The following PTPRR variants were observed in gnomAD, a reference collection of about 807,000 sequenced individuals.
PTPRR encodes protein tyrosine phosphatase receptor type R, also known as receptor-type tyrosine-protein phosphatase R.
Under a neutral mutation model 77.2 loss-of-function variants are expected in PTPRR, and 38 were observed. The observed-to-expected ratio is 0.49, with a 90% confidence interval of 0.38 to 0.65. The LOEUF is 0.65. PTPRR is among the 30% of genes least tolerant of loss of function. PTPRR has a pLI of 0.00. For missense variants in PTPRR, 744 were observed against 799.2 expected (o/e 0.93, Z 0.83); for synonymous variants, 299 against 283.1 (o/e 1.06, Z -0.57).
At chr12:70,885,810 G>A (rs976778093) in intron 2 of PTPRR, among the ~76,000 whole-genome samples, 3 of 152,262 alleles carry the variant, frequency 2.0e-5, no homozygotes, top group African/African-American at 7.2e-5. Flanking sequence ...GGAATTACAC[G>A]CTGAGCCACC....
At position 70,638,228 on chromosome 12, in the gene PTPRR, G is replaced by C. The variant is rs1438829182; in HGVS notation, c.*956C>G. ...AGATTGAAAGCTTTCAGAAATGTAA[G>C]GACATACATGGAAATGTCCTTATAA... On this transcript the variant is annotated 3_prime_UTR_variant, in exon 14 of 14. Transcript: ENST00000283228. 1 of 152,392 alleles carries C rather than the reference G, an allele frequency of 6.6e-6. No individual in the cohort carries two copies. The highest frequency in any genetic ancestry group is 6.6e-5 in the Admixed American group (1 of 15,248). 9.4% of individuals were successfully genotyped at this position (152,392 alleles called of 1,614,324 possible).
intron 2 of PTPRR, among the ~76,000 whole-genome samples, chr12:70,843,430 T>G (rs1592788572): frequency 6.6e-6 from 1 of 152,212 alleles, no homozygotes. Context: ...GACCTGAACA[T>G]AAACATCTTA....
At chr12:70,722,452 G>C (rs1178561962) in intron 6 of PTPRR, among the ~76,000 whole-genome samples, 1 of 152,122 alleles carries the variant, frequency 6.6e-6, no homozygotes, top group Non-Finnish European at 1.5e-5. Flanking sequence ...TCTGAAAAGA[G>C]TTCGCAAGGC....
intron 2 of PTPRR, among the ~76,000 whole-genome samples, chr12:70,791,816 A>T (rs1891426076): frequency 6.6e-6 from 1 of 152,216 alleles, no homozygotes; most frequent in African/African-American, 2.4e-5. Flanking sequence ...AATTTGAATA[A>T]AATATTTTGT....
At chr12:70,868,729 C>G (rs1204424345) in intron 2 of PTPRR, among the ~76,000 whole-genome samples, 1 of 152,076 alleles carries the variant, frequency 6.6e-6, no homozygotes, top group Non-Finnish European at 1.5e-5. Context: ...TATAAAGACA[C>G]ATGCACATGT....
intron 1 of PTPRR, among the ~76,000 whole-genome samples, chr12:70,918,021 A>G (rs1893799598): frequency 6.6e-6 from 1 of 152,198 alleles, no homozygotes; most frequent in African/African-American, 2.4e-5. Context: ...GTCTTCCATA[A>G]AAGTAACAAA....
Sources: allele counts gnomAD v4.1 joint callset (sites outside exome capture counted in the v4.1 genomes callset), GRCh38; gene constraint gnomAD v4.1.1; transcripts MANE v1.5; gene names NCBI Gene and HGNC (gene_info 2026-07-23, HGNC 2026-07-21).